The following PCDHGB7 variants were observed in gnomAD, a reference collection of about 807,000 sequenced individuals.
PCDHGB7 encodes protocadherin gamma subfamily B, 7, also known as protocadherin gamma-B7.
PCDHGB7 carries 37 observed loss-of-function variants against 61.4 expected under a neutral mutation model. That is an observed-to-expected ratio of 0.60 (90% CI 0.46 to 0.79). The LOEUF (loss-of-function observed/expected upper bound fraction) is 0.79, where lower values mean the gene tolerates loss of function less well. PCDHGB7 is among the 30% of genes least tolerant of loss of function. The pLI is 0.00. For missense variants in PCDHGB7, 1,166 were observed against 1,202.5 expected, an observed-to-expected ratio of 0.97 and a Z score of 0.45; for synonymous variants, 464 against 503.5, an observed-to-expected ratio of 0.92 and a Z score of 1.05.
At chr5:141,483,790 AGTT>A (rs963139644) in intron 1 of PCDHGB7, among the ~76,000 whole-genome samples, 14 of 152,290 alleles carry the variant, frequency 9.2e-5, no homozygotes, top group African/African-American at 3.4e-4. Flanking sequence ...TAAGAACTCC[AGTT>A]GTTGCTGCTT....
intron 1 of PCDHGB7, 140 bp downstream of exon 1, chr5:141,420,414 T>C: frequency 8.2e-7 from 1 of 1,221,674 alleles, no homozygotes; most frequent in Non-Finnish European, 1.1e-6. Flanking sequence ...GTTATCATTA[T>C]TAAAACAAAA....
chr5:141,450,842 T>TTTTTA, intron 1 of PCDHGB7, among the ~76,000 whole-genome samples: 1 of 148,196 alleles, frequency 6.7e-6, no homozygotes, highest in African/African-American at 2.5e-5. Context: ...TTTTTTTTTT[T>TTTTTA]GAGATGGGGT....
intron 1 of PCDHGB7, chr5:141,441,925 T>C (rs926242217): frequency 2.8e-6 from 1 of 353,614 alleles, no homozygotes; most frequent in Non-Finnish European, 5.4e-6. Flanking sequence ...ACACAATGCG[T>C]GGCTGTCCTA....
Position 141,465,218 on chromosome 5 carries a change from A to G in PCDHGB7, c.2416-29589A>G, listed in dbSNP as rs151158068. ...ATAAAAATATAAGCTTTATTTTTCA[A>G]CATGAGCTCCATCAAGTTCAAGGCA... On this transcript the variant is annotated intron_variant, in intron 1 of 3. Coordinates refer to ENST00000398594, the MANE Select transcript of PCDHGB7 (RefSeq NM_018927.4). Among the ~76,000 whole-genome samples, 591 of 152,288 alleles carry G rather than the reference A, an allele frequency of 3.9e-3. 6 individuals carry two copies. The highest frequency in any genetic ancestry group is 0.011 in the Admixed American group (171 of 15,290).
At chr5:141,430,945 C>G (rs1466092130) in intron 1 of PCDHGB7, 1 of 1,609,234 alleles carries the variant, frequency 6.2e-7, no homozygotes, top group Non-Finnish European at 8.5e-7. Context: ...TCGCGGAGCG[C>G]GGAGTCCGCA....
At position 141,479,006 on chromosome 5, in the gene PCDHGB7, T is replaced by C. The variant is rs148063283; in HGVS notation, c.2416-15801T>C. On this transcript the variant is annotated intron_variant, in intron 1 of 3. Transcript: ENST00000398594. ...ACATTTGTATTAAAACTAATAGCTT[T>C]TTGATAATTTTCCTTTGTTTATACA... Among the ~76,000 whole-genome samples the C allele has an allele frequency of 1.2e-3, 179 of 152,340 alleles. 2 individuals are homozygous for C. The highest frequency in any genetic ancestry group is 0.011 in the Admixed American group (170 of 15,300).
chr5:141,427,151 G>A (rs1481629222), intron 1 of PCDHGB7: 1 of 456,934 alleles, frequency 2.2e-6, no homozygotes, highest in Admixed American at 2.3e-5. Flanking sequence ...TTGGAAATAT[G>A]TTTGTGCTAG....
rs777537045 is a variant in PCDHGB7 at position 141,490,191 on chromosome 5, A to T, written c.2416-4616A>T. The T allele has an allele frequency of 6.2e-7, 1 of 1,614,176 alleles. No homozygotes were observed. The highest frequency in any genetic ancestry group is 1.1e-5 in the South Asian group (1 of 91,082). On this transcript the variant is annotated intron_variant, in intron 1 of 3. Coordinates refer to ENST00000398594, the MANE Select transcript of PCDHGB7 (RefSeq NM_018927.4). The surrounding 1 kb of genome is among the most constrained non-coding windows in gnomAD (Gnocchi z 5.4). ...ACTTTGAGGAGTCACGTTTCTATGA[A>T]ATTCATGCAAGAGCCCGTGACCAGG...
intron 1 of PCDHGB7, among the ~76,000 whole-genome samples, chr5:141,492,408 C>T (rs1187024017): frequency 2.0e-5 from 3 of 152,244 alleles, no homozygotes; most frequent in African/African-American, 2.4e-5. Flanking sequence ...CTCCCCTCTG[C>T]CGCTCCCTCC....
rs1421670958 is a variant in PCDHGB7, at chr5:141,432,558, A to C, written c.2415+12284A>C. ...GTGGCGGTGGACAGAGACTCCGGCC[A>C]GAACGCCTGGCTGTCCTACCGTCTG... On this transcript the variant is annotated intron_variant, in intron 1 of 3. Transcript: ENST00000398594. This position sits in a 1 kb window ranked among gnomAD's most constrained non-coding sequence, Gnocchi z 6.0. The C allele has an allele frequency of 1.9e-6, 3 of 1,613,756 alleles. No individual in the cohort carries two copies. The highest frequency in any genetic ancestry group is 2.2e-5 in the South Asian group (2 of 91,060).
chr5:141,489,300 C>A lies in PCDHGB7; in HGVS notation c.2416-5507C>A. On this transcript the variant is annotated intron_variant, in intron 1 of 3. Coordinates refer to ENST00000398594, the MANE Select transcript of PCDHGB7 (RefSeq NM_018927.4). The surrounding 1 kb of genome is among the most constrained non-coding windows in gnomAD (Gnocchi z 4.5). ...AATGGCAAGTGCTGTGCATGTTGTC[C>A]TTGTGCTGCTGGGGCTGGGTGTCTG... 1 of 1,585,698 alleles carries A rather than the reference C, an allele frequency of 6.3e-7. No homozygotes were observed. Among genetic ancestry groups the A allele is most frequent in the South Asian group, 1.2e-5 (1 of 85,012 alleles).
intron 1 of PCDHGB7, among the ~76,000 whole-genome samples, chr5:141,429,720 A>G (rs571388976): frequency 6.6e-6 from 1 of 152,340 alleles, no homozygotes; most frequent in South Asian, 2.1e-4. Context: ...TACGCTCATG[A>G]AAGTACGTAG....
At chr5:141,508,383 T>C (rs1169318572) in intron 3 of PCDHGB7, 1 of 152,236 alleles carries the variant, frequency 6.6e-6, no homozygotes, top group Non-Finnish European at 1.5e-5. Flanking sequence ...CTCAGATTTA[T>C]AGATGGGAAA....
chr5:141,482,752 T>C (rs1361016909), intron 1 of PCDHGB7, among the ~76,000 whole-genome samples: 1 of 127,096 alleles, frequency 7.9e-6, no homozygotes, highest in Non-Finnish European at 1.6e-5. Context: ...AGAGGGATTA[T>C]GGTATTTCAT....
intron 3 of PCDHGB7, among the ~76,000 whole-genome samples, chr5:141,509,568 C>T (rs535982453): frequency 3.3e-5 from 5 of 152,336 alleles, no homozygotes; most frequent in Admixed American, 2.0e-4. Flanking sequence ...GCAGCCTTCA[C>T]AGTGCGTACA....
chr5:141,421,163 G>C, intron 1 of PCDHGB7: 2 of 1,276,926 alleles, frequency 1.6e-6, no homozygotes, highest in Non-Finnish European at 2.1e-6. Flanking sequence ...GGACTTCATA[G>C]ATACATAAGC....
At chr5:141,510,831 A>T (rs2154594660) in intron 3 of PCDHGB7, 116 bp from the exon 4 acceptor site, 1 of 1,577,022 alleles carries the variant, frequency 6.3e-7, no homozygotes, top group East Asian at 2.2e-5. Context: ...CCCAGTGCTC[A>T]GCGTGGTCAA....
chr5:141,475,424 T>C (rs2099363271), intron 1 of PCDHGB7, among the ~76,000 whole-genome samples: 1 of 152,244 alleles, frequency 6.6e-6, no homozygotes, highest in African/African-American at 2.4e-5. Context: ...CTCCTGCTAA[T>C]TTGATAGTAG....
chr5:141,450,454 G>A (rs144071286), intron 1 of PCDHGB7, among the ~76,000 whole-genome samples: 3,498 of 151,958 alleles, frequency 0.023, 60 homozygotes, highest in Middle Eastern at 0.051. Flanking sequence ...ATGTTTCCTC[G>A]TGATTTTATA....
Sources: allele counts gnomAD v4.1 joint callset (sites outside exome capture counted in the v4.1 genomes callset), GRCh38; gene constraint gnomAD v4.1.1; non-coding constraint Gnocchi (gnomAD v3.1); transcripts MANE v1.5; gene names NCBI Gene and HGNC (gene_info 2026-07-23, HGNC 2026-07-21).